RNF6: variants seen among roughly 807,000 people sequenced by gnomAD.
The protein encoded by RNF6 is ring finger protein 6.
RNF6 carries 21 observed loss-of-function variants against 50.1 expected under a neutral mutation model. That is an observed-to-expected ratio of 0.42 (90% CI 0.30 to 0.60). RNF6 has a LOEUF of 0.60. Ranked by LOEUF, RNF6 falls within the 20% of genes least tolerant of loss-of-function variation. The probability of loss-of-function intolerance (pLI) is 0.20; values close to 1 mark genes in which losing one functional copy is unlikely to be tolerated. For missense variants in RNF6, 698 were observed against 838.2 expected (o/e 0.83, Z 2.07); for synonymous variants, 255 against 291.8 (o/e 0.87, Z 1.29).
intron 5 of RNF6, among the ~76,000 whole-genome samples, chr13:26,134,909 T>C (rs1301616508): frequency 6.6e-6 from 1 of 152,196 alleles, no homozygotes; most frequent in African/African-American, 2.4e-5. Flanking sequence ...TTTAAAAAGA[T>C]GATGTATTAC....
chr13:26,137,239 C>T (rs868666015), intron 5 of RNF6, among the ~76,000 whole-genome samples: 2 of 152,132 alleles, frequency 1.3e-5, no homozygotes, highest in Middle Eastern at 3.4e-3. Flanking sequence ...CAGAAAAGTG[C>T]ATTAATATTG....
At position 26,149,868 on chromosome 13, in the gene RNF6, GTGTATATA is replaced by G. The variant is rs143889299; in HGVS notation, n.769-17425_769-17418del. Among the ~76,000 whole-genome samples, 54 of 81,786 alleles carry G rather than the reference GTGTATATA, an allele frequency of 6.6e-4. 3 individuals are homozygous for G. Among genetic ancestry groups the G allele is most frequent in the East Asian group, 2.2e-3 (7 of 3,164 alleles). 53.7% of individuals were successfully genotyped at this position (81,786 alleles called of 152,430 possible). On this transcript the variant is annotated intron_variant and non_coding_transcript_variant, in intron 5 of 5. Transcript: ENST00000468480. Reference sequence around the variant, plus strand: ...TACACAGTGTATATATAATGTGTGTGTGTATATATATATATATATATATATACACACAC... The same window carrying G: ...TACACAGTGTATATATAATGTGTGTGTATATATATATATATATACACACAC...
intron 5 of RNF6, among the ~76,000 whole-genome samples, chr13:26,206,377 C>G (rs1869109722): frequency 6.6e-6 from 1 of 152,202 alleles, no homozygotes; most frequent in Non-Finnish European, 1.5e-5. Flanking sequence ...GTGTCTGCAG[C>G]AGGCTGTCGA....
At chr13:26,141,592 T>C (rs1014115125) in intron 5 of RNF6, among the ~76,000 whole-genome samples, 3 of 151,978 alleles carry the variant, frequency 2.0e-5, no homozygotes, top group African/African-American at 7.3e-5. Flanking sequence ...CGACAACCAA[T>C]TGATAGTTGA....
intron 5 of RNF6, among the ~76,000 whole-genome samples, chr13:26,173,118 C>T (rs9578973): frequency 0.034 from 5,169 of 152,204 alleles, 320 homozygotes; most frequent in African/African-American, 0.12. Context: ...AGGTAGAAAC[C>T]GGCAGAGTAC....
chr13:26,217,362 A>T (rs990059655), intron 4 of RNF6, among the ~76,000 whole-genome samples: 12 of 152,252 alleles, frequency 7.9e-5, no homozygotes, highest in Non-Finnish European at 1.8e-4. Flanking sequence ...ATGATGGTGC[A>T]TGTGAAAGAG....
intron 5 of RNF6, among the ~76,000 whole-genome samples, chr13:26,201,466 G>A (rs8000542): frequency 2.0e-5 from 3 of 152,104 alleles, no homozygotes; most frequent in African/African-American, 7.2e-5. Flanking sequence ...CAACAATAAC[G>A]GAGGCAGAAG....
intron 5 of RNF6, among the ~76,000 whole-genome samples, chr13:26,141,726 TA>T (rs1451926738): frequency 1.3e-5 from 2 of 152,070 alleles, no homozygotes; most frequent in African/African-American, 2.4e-5. Flanking sequence ...ATACAAAAAT[TA>T]ATTGAAGGTA....
At chr13:26,204,452 G>C (rs1869018441) in intron 5 of RNF6, among the ~76,000 whole-genome samples, 1 of 134,138 alleles carries the variant, frequency 7.5e-6, no homozygotes, top group Admixed American at 8.6e-5. Flanking sequence ...AGCCGAGATT[G>C]CACCACTGCA....
At chr13:26,147,464 T>C (rs773320127) in intron 5 of RNF6, among the ~76,000 whole-genome samples, 1 of 152,166 alleles carries the variant, frequency 6.6e-6, no homozygotes, top group Non-Finnish European at 1.5e-5. Context: ...GAGGAGCTGA[T>C]ACTAATGGAG....
upstream of RNF6, chr13:26,222,334 A>T (rs1870606907): frequency 6.6e-6 from 1 of 152,208 alleles, no homozygotes; most frequent in South Asian, 2.1e-4. Context: ...GTCCGTCGGG[A>T]GCTAGGGTGC....
intron 5 of RNF6, among the ~76,000 whole-genome samples, chr13:26,168,835 T>C (rs996897049): frequency 6.6e-6 from 1 of 152,134 alleles, no homozygotes; most frequent in Non-Finnish European, 1.5e-5. Flanking sequence ...AGACCCTATC[T>C]CTACAAAAAA....
At chr13:26,200,402 ATTCTTT>A (rs1441401346) in intron 5 of RNF6, among the ~76,000 whole-genome samples, 3 of 102,292 alleles carry the variant, frequency 2.9e-5, no homozygotes, top group African/African-American at 1.1e-4. Flanking sequence ...ACTGTTTGAA[ATTCTTT>A]TTTTTTTTTT....
chr13:26,164,953 A>G (rs1046169347), intron 5 of RNF6, among the ~76,000 whole-genome samples: 2 of 152,208 alleles, frequency 1.3e-5, no homozygotes, highest in Non-Finnish European at 2.9e-5. Context: ...AGAAATTTGC[A>G]TAAGTGACAA....
In RNF6 at chr13:26,214,129, T is replaced by C. The variant is rs774628609; in HGVS notation, c.1753A>G (p.Ile585Val). The change falls in exon 5 of 5, where the codon ATT becomes GTT. Residue 585 changes from isoleucine to valine, a missense_variant. Transcript: ENST00000381588. ...NNLVETGTLP[I>V]LRLAHFFLLN... ...AAAAAAAAGTGAGCAAGGCGAAGAA[T>C]GGGTAGTGTTCCAGTTTCAACTAAA... The C allele has an allele frequency of 3.1e-6, 5 of 1,614,102 alleles. No homozygotes were observed. Among genetic ancestry groups the C allele is most frequent in the Non-Finnish European group, 2.5e-6 (3 of 1,180,048 alleles).
chr13:26,158,966 G>T lies in RNF6; in HGVS notation n.769-26515C>A, dbSNP rs200622144. Among the ~76,000 whole-genome samples, 11 of 152,108 alleles carry T rather than the reference G, an allele frequency of 7.2e-5. No homozygotes were observed. In the East Asian group the frequency reaches 2.1e-3, roughly 29 times the overall value. On this transcript the variant is annotated intron_variant and non_coding_transcript_variant, in intron 5 of 5. Coordinates refer to the RNF6 transcript ENST00000468480. ...AAAGTCAATAATATGAACAGGGTTT[G>T]TTATTTACATTTATTATTAATATTT...
intron 5 of RNF6, among the ~76,000 whole-genome samples, chr13:26,136,121 C>T (rs1224740031): frequency 6.6e-6 from 1 of 152,112 alleles, no homozygotes; most frequent in African/African-American, 2.4e-5. Flanking sequence ...AATTGTTCCT[C>T]AAAATTAAAA....
rs377358039 is a variant in RNF6 at position 26,153,047 on chromosome 13, C to A, written n.769-20596G>T. Among the ~76,000 whole-genome samples the A allele has an allele frequency of 8.6e-5, 13 of 151,560 alleles. No homozygotes were observed. In the East Asian group the frequency reaches 2.1e-3, roughly 25 times the overall value. On this transcript the variant is annotated intron_variant and non_coding_transcript_variant, in intron 5 of 5. Transcript: ENST00000468480. ...ACTCGCCTGTAGTCCCGGCTACTTACGAGGCTGAGGCAGGAGAATTGCTTG... is the reference window on the plus strand; with the variant it reads ...ACTCGCCTGTAGTCCCGGCTACTTAAGAGGCTGAGGCAGGAGAATTGCTTG...
At chr13:26,220,494 A>C (rs1283210667) in intron 2 of RNF6, among the ~76,000 whole-genome samples, 1 of 152,228 alleles carries the variant, frequency 6.6e-6, no homozygotes, top group East Asian at 1.9e-4. Flanking sequence ...CAAGAGAGAA[A>C]GATGTTTGTT....
Sources: gnomAD v4.1 joint callset for allele counts (sites outside exome capture counted in the v4.1 genomes callset) on GRCh38, gnomAD v4.1.1 for gene constraint, MANE v1.5 for transcripts, NCBI Gene and HGNC (gene_info 2026-07-23, HGNC 2026-07-21) for gene names.